Variants in USP37 observed in about 807,000 individuals in gnomAD.
The protein encoded by USP37 is ubiquitin carboxyl-terminal hydrolase 37.
Under a neutral mutation model 124.0 loss-of-function variants are expected in USP37, and 27 were observed. The observed-to-expected ratio is 0.22, with a 90% confidence interval of 0.16 to 0.30. The LOEUF (loss-of-function observed/expected upper bound fraction) is 0.30, where lower values mean the gene tolerates loss of function less well. Ranked by LOEUF, USP37 falls within the 10% of genes least tolerant of loss-of-function variation. The pLI, the probability that USP37 is intolerant of heterozygous loss-of-function variation, is 1.00. For synonymous variants in USP37, 365 were observed against 388.0 expected (o/e 0.94, Z 0.70); for missense variants, 889 against 1,140.4 (o/e 0.78, Z 3.17).
At chr2:218,498,504 G>A (rs907207753) in intron 11 of USP37, 10 of 158,152 alleles carry the variant, frequency 6.3e-5, no homozygotes, top group Non-Finnish European at 1.2e-4. Flanking sequence ...GAGGCAGGCA[G>A]ATCACTTGAG....
chr2:218,486,274 T>A (rs1173927833), intron 15 of USP37: 1 of 152,188 alleles, frequency 6.6e-6, no homozygotes, highest in African/African-American at 2.4e-5. Context: ...AAACAAGAAA[T>A]CCTTAAAAAA....
At chr2:218,507,172 G>C (rs1438941914) in intron 11 of USP37, among the ~76,000 whole-genome samples, 1 of 151,354 alleles carries the variant, frequency 6.6e-6, no homozygotes, top group East Asian at 1.9e-4. Flanking sequence ...TTATTTATTT[G>C]TTTTTTTGAG....
chr2:218,565,758 C>G (rs576300270), intron 1 of USP37, among the ~76,000 whole-genome samples: 1 of 152,152 alleles, frequency 6.6e-6, no homozygotes, highest in Non-Finnish European at 1.5e-5. Context: ...TATATAATTA[C>G]AAGTTCTGGG....
chr2:218,467,764 G>A (rs1023257907), intron 20 of USP37, among the ~76,000 whole-genome samples: 6 of 151,502 alleles, frequency 4.0e-5, no homozygotes, highest in South Asian at 2.1e-4. Context: ...GATTATAGGC[G>A]TGAGCCACCC....
chr2:218,500,220 G>C (rs1183864931), intron 11 of USP37, among the ~76,000 whole-genome samples: 1 of 151,932 alleles, frequency 6.6e-6, no homozygotes, highest in Non-Finnish European at 1.5e-5. Context: ...GGTGACAGGC[G>C]TGTGCCACCA....
intron 15 of USP37, 111 bp downstream of exon 15, chr2:218,488,193 A>AAT: frequency 4.8e-6 from 3 of 630,648 alleles, no homozygotes; most frequent in Non-Finnish European, 5.1e-6. Flanking sequence ...AAAAAAAAAA[A>AAT]AAAAGAAAAG....
chr2:218,494,288 T>C (rs1208385334), intron 14 of USP37, among the ~76,000 whole-genome samples: 3 of 152,160 alleles, frequency 2.0e-5, no homozygotes, highest in African/African-American at 7.2e-5. Context: ...GGACAGAAAA[T>C]TGGAGAACCA....
chr2:218,488,452 T>A (rs1013542552), intron 14 of USP37, 31 bp from the exon 15 acceptor site: 8 of 1,444,454 alleles, frequency 5.5e-6, no homozygotes, highest in Non-Finnish European at 7.7e-6. Context: ...ATGTAAGCAT[T>A]TAGACCAATA....
chr2:218,503,409 T>C (rs1177063840), intron 11 of USP37, among the ~76,000 whole-genome samples: 2 of 152,256 alleles, frequency 1.3e-5, no homozygotes, highest in African/African-American at 4.8e-5. Context: ...TATTGTGGGA[T>C]GTATAACATA....
chr2:218,500,075 T>C (rs992792002), intron 11 of USP37, among the ~76,000 whole-genome samples: 6 of 151,912 alleles, frequency 3.9e-5, no homozygotes, highest in Non-Finnish European at 8.8e-5. Context: ...AGCCTGTTTT[T>C]TTCGTTTTTT....
At chr2:218,525,560 T>C (rs1006914690) in intron 10 of USP37, among the ~76,000 whole-genome samples, 20 of 152,248 alleles carry the variant, frequency 1.3e-4, no homozygotes, top group African/African-American at 4.8e-4. Flanking sequence ...AAGTTTTTGA[T>C]ACTGTTACTC....
chr2:218,508,543 T>G (rs568291843), intron 11 of USP37, among the ~76,000 whole-genome samples: 1 of 151,816 alleles, frequency 6.6e-6, no homozygotes, highest in East Asian at 1.9e-4. Context: ...AATAGGAAAA[T>G]GAAACAAGTA....
intron 21 of USP37, among the ~76,000 whole-genome samples, chr2:218,465,277 A>G (rs1180233215): frequency 6.6e-6 from 1 of 152,056 alleles, no homozygotes; most frequent in Admixed American, 6.6e-5. Context: ...CAGCTTGCAA[A>G]ATAATGCTGG....
intron 6 of USP37, among the ~76,000 whole-genome samples, chr2:218,548,495 C>A (rs1472735480): frequency 8.0e-6 from 1 of 125,524 alleles, no homozygotes; most frequent in East Asian, 2.3e-4. Flanking sequence ...TGCACACCAC[C>A]ATGCCCAACT....
chr2:218,522,625 T>C (rs887387825), intron 10 of USP37, among the ~76,000 whole-genome samples: 41 of 150,706 alleles, frequency 2.7e-4, no homozygotes, highest in Admixed American at 2.3e-3. Flanking sequence ...CCACAAAAAG[T>C]ACTTTGTGAG....
chr2:218,545,818 C>T (rs1413444608), intron 8 of USP37, among the ~76,000 whole-genome samples: 5 of 152,144 alleles, frequency 3.3e-5, no homozygotes, highest in Non-Finnish European at 7.3e-5. Context: ...CATAGGCTCA[C>T]ATCCTTTAAC....
intron 11 of USP37, chr2:218,501,099 C>T (rs1689357515): frequency 6.7e-6 from 1 of 149,918 alleles, no homozygotes; most frequent in South Asian, 2.1e-4. Flanking sequence ...AGCACAGTGG[C>T]ACAATCTTGG....
In USP37 at chr2:218,558,617, G is replaced by A. The variant is rs759153042; in HGVS notation, c.37C>T (p.Arg13Ter). 3 of 1,612,242 alleles carry A rather than the reference G, an allele frequency of 1.9e-6. No homozygotes were observed. Among genetic ancestry groups the A allele is most frequent in the Non-Finnish European group, 2.5e-6 (3 of 1,179,148 alleles). The part of the protein sequence containing the change: ...PLKIHGPIRI[R>*]SMQTGITKWK... Reference sequence around the variant, plus strand: ...TTTGTAATCCCAGTCTGCATACTTCGAATTCTGATAGGACCATGTATCTTC... The same window carrying A: ...TTTGTAATCCCAGTCTGCATACTTCAAATTCTGATAGGACCATGTATCTTC... Residue 13 changes from arginine (R) to a stop codon, truncating the protein, a stop_gained, in exon 4 of 26, where the codon CGA becomes TGA. Coordinates refer to ENST00000258399, the MANE Select transcript of USP37 (RefSeq NM_020935.3). LOFTEE classifies it high-confidence loss of function.
intron 14 of USP37, among the ~76,000 whole-genome samples, chr2:218,492,716 G>T (rs1688854835): frequency 6.6e-6 from 1 of 152,196 alleles, no homozygotes; most frequent in African/African-American, 2.4e-5. Context: ...TTGAGAAAAA[G>T]AAATACAAAG....
Sources: allele counts gnomAD v4.1 joint callset (sites outside exome capture counted in the v4.1 genomes callset), GRCh38; gene constraint gnomAD v4.1.1; transcripts MANE v1.5; gene names NCBI Gene and HGNC (gene_info 2026-07-23, HGNC 2026-07-21).